STXBP5L: variants seen among roughly 807,000 people sequenced by gnomAD.
STXBP5L encodes the protein syntaxin-binding protein 5-like.
A neutral mutation model predicts 144.5 loss-of-function variants in STXBP5L; 65 were observed. The ratio of observed to expected loss-of-function variants is 0.45; its 90% CI spans 0.37 to 0.55. The LOEUF (loss-of-function observed/expected upper bound fraction) is 0.55, where lower values mean the gene tolerates loss of function less well. Ranked by LOEUF, STXBP5L falls within the 20% of genes least tolerant of loss-of-function variation. The probability of loss-of-function intolerance (pLI) is 0.00; values close to 1 mark genes in which losing one functional copy is unlikely to be tolerated. For missense variants in STXBP5L, 1,298 were observed against 1,405.5 expected (o/e 0.92, Z 1.22); for synonymous variants, 505 against 469.6 (o/e 1.08, Z -0.97).
At chr3:121,255,262 T>A (rs932936847) in intron 16 of STXBP5L, 150 bp downstream of exon 16, 2 of 530,346 alleles carry the variant, frequency 3.8e-6, no homozygotes, top group African/African-American at 3.9e-5. Context: ...TTATTGTTAC[T>A]TACTATAACA....
At chr3:121,116,130 T>C (rs925994696) in intron 6 of STXBP5L, among the ~76,000 whole-genome samples, 2 of 152,144 alleles carry the variant, frequency 1.3e-5, no homozygotes, top group African/African-American at 4.8e-5. Flanking sequence ...TCTAGTAAAA[T>C]TATTAATCAG....
intron 22 of STXBP5L, among the ~76,000 whole-genome samples, chr3:121,397,546 G>A (rs575379900): frequency 6.6e-5 from 10 of 152,184 alleles, no homozygotes; most frequent in South Asian, 2.1e-4. Context: ...AACAATGGCC[G>A]CCATCAAGAA....
Position 121,192,901 on chromosome 3 carries a change from C to T in STXBP5L, c.878-13022C>T, listed in dbSNP as rs539239393. On this transcript the variant is annotated intron_variant, in intron 9 of 26. Transcript: ENST00000471454. ...AAAACCTAGGCAGTATCATTCAGGA[C>T]ATAGGCATGGGCAAGGACTTCATAA... Among the ~76,000 whole-genome samples, 8 of 152,248 alleles carry T rather than the reference C, an allele frequency of 5.3e-5. No homozygotes were observed. The East Asian group carries it at 7.7e-4, about 15-fold the overall frequency.
Position 121,421,401 on chromosome 3 carries a change from T to C in STXBP5L, c.*2304T>C, listed in dbSNP as rs1334860305. 6.6e-6 allele frequency: 1 copy of C among 150,824 alleles called. No homozygotes were observed. Among genetic ancestry groups the C allele is most frequent in the Non-Finnish European group, 1.5e-5 (1 of 68,012 alleles). 9.3% of individuals were successfully genotyped at this position (150,824 alleles called of 1,614,324 possible). ...TTGTTGTGGGGAACTGTCCTGTGTA[T>C]TGTAGGATGTTAGCAACATCCCTGG... On this transcript the variant is annotated 3_prime_UTR_variant, in exon 27 of 27. Transcript: ENST00000471454.
intron 9 of STXBP5L, chr3:121,158,698 A>T (rs1157510459): frequency 6.6e-6 from 1 of 152,186 alleles, no homozygotes; most frequent in Non-Finnish European, 1.5e-5. Flanking sequence ...TATTTCTACG[A>T]TAGGGGATAA....
At chr3:121,016,814 G>A (rs1945179928) in intron 3 of STXBP5L, among the ~76,000 whole-genome samples, 2 of 152,138 alleles carry the variant, frequency 1.3e-5, no homozygotes, top group African/African-American at 2.4e-5. Context: ...AAAACAGAAA[G>A]CACCAGGCCC....
intron 5 of STXBP5L, among the ~76,000 whole-genome samples, chr3:121,053,693 C>G (rs1948215275): frequency 6.6e-6 from 1 of 152,166 alleles, no homozygotes; most frequent in Non-Finnish European, 1.5e-5. Context: ...GACTTCATGT[C>G]TAAAGCACCA....
At chr3:121,417,816 T>C (rs2047274758) in intron 25 of STXBP5L, among the ~76,000 whole-genome samples, 1 of 152,224 alleles carries the variant, frequency 6.6e-6, no homozygotes, top group Non-Finnish European at 1.5e-5. Flanking sequence ...GTTTGTTTTA[T>C]AAATCAATTT....
At chr3:121,136,879 C>G (rs1316263588) in intron 7 of STXBP5L, among the ~76,000 whole-genome samples, 6 of 152,124 alleles carry the variant, frequency 3.9e-5, no homozygotes, top group Non-Finnish European at 4.4e-5. Context: ...ACATATACAC[C>G]ATGGAATACT....
At chr3:120,974,942 T>A (rs372116824) in intron 3 of STXBP5L, among the ~76,000 whole-genome samples, 26 of 152,154 alleles carry the variant, frequency 1.7e-4, no homozygotes, top group African/African-American at 6.0e-4. Flanking sequence ...TTTGGTTACT[T>A]TAGCCTTGTA....
At chr3:121,335,102 G>T (rs553482450) in intron 20 of STXBP5L, among the ~76,000 whole-genome samples, 1 of 152,236 alleles carries the variant, frequency 6.6e-6, no homozygotes, top group Admixed American at 6.5e-5. Flanking sequence ...AACACCTTCA[G>T]CAATGTTTTA....
chr3:121,087,487 A>G (rs972439678), intron 5 of STXBP5L, among the ~76,000 whole-genome samples: 8 of 152,018 alleles, frequency 5.3e-5, no homozygotes, highest in Non-Finnish European at 2.9e-5. Flanking sequence ...AACATAATAT[A>G]GTGTCTTCTT....
At chr3:121,195,938 A>G (rs2047901950) in intron 9 of STXBP5L, among the ~76,000 whole-genome samples, 1 of 152,180 alleles carries the variant, frequency 6.6e-6, no homozygotes, top group African/African-American at 2.4e-5. Flanking sequence ...AGTTTGATTC[A>G]GTCCCACTTA....
chr3:121,051,919 C>A (rs945750818), intron 5 of STXBP5L, among the ~76,000 whole-genome samples: 1 of 151,638 alleles, frequency 6.6e-6, no homozygotes. Flanking sequence ...ACCACCGATC[C>A]CACAGAAATA....
intron 7 of STXBP5L, among the ~76,000 whole-genome samples, chr3:121,133,009 G>A (rs1156380431): frequency 1.3e-5 from 2 of 151,984 alleles, no homozygotes; most frequent in East Asian, 3.9e-4. Flanking sequence ...AATTAAAGTG[G>A]GCCACTGTGT....
intron 9 of STXBP5L, among the ~76,000 whole-genome samples, chr3:121,190,690 C>A (rs922091569): frequency 6.6e-6 from 1 of 151,980 alleles, no homozygotes; most frequent in Non-Finnish European, 1.5e-5. Flanking sequence ...GGCTGCCCCC[C>A]ACCTCCCTGA....
chr3:121,004,151 T>C (rs1944044358), intron 3 of STXBP5L, among the ~76,000 whole-genome samples: 2 of 152,228 alleles, frequency 1.3e-5, no homozygotes, highest in Admixed American at 6.5e-5. Context: ...AGTATGGCCA[T>C]TTTCATGATA....
intron 3 of STXBP5L, among the ~76,000 whole-genome samples, chr3:121,011,116 C>G (rs1944742127): frequency 6.7e-6 from 1 of 149,634 alleles, no homozygotes; most frequent in Non-Finnish European, 1.5e-5. Flanking sequence ...TTGTACTTCG[C>G]CGAGGTAGTT....
At chr3:121,405,494 T>G (rs1322204737) in intron 22 of STXBP5L, among the ~76,000 whole-genome samples, 1 of 152,104 alleles carries the variant, frequency 6.6e-6, no homozygotes, top group Non-Finnish European at 1.5e-5. Context: ...CTTGATACTG[T>G]ATGTATTGAT....
Sources: allele counts gnomAD v4.1 joint callset (sites outside exome capture counted in the v4.1 genomes callset), GRCh38; gene constraint gnomAD v4.1.1; transcripts MANE v1.5; gene names NCBI Gene and HGNC (gene_info 2026-07-23, HGNC 2026-07-21).